The following AP4E1 variants were observed in gnomAD, a reference collection of about 807,000 sequenced individuals.
The protein encoded by AP4E1 is adaptor related protein complex 4 subunit epsilon 1, also known as AP-4 complex subunit epsilon-1.
A neutral mutation model predicts 128.2 loss-of-function variants in AP4E1; 56 were observed. The observed-to-expected ratio is 0.44, with a 90% confidence interval of 0.35 to 0.55. The LOEUF (loss-of-function observed/expected upper bound fraction) is 0.55. AP4E1 is among the 20% of genes least tolerant of loss of function. The probability of loss-of-function intolerance (pLI) is 0.00; values close to 1 mark genes in which losing one functional copy is unlikely to be tolerated. For synonymous variants in AP4E1, 484 were observed against 473.1 expected, an observed-to-expected ratio of 1.02 and a Z score of -0.30; for missense variants, 1,324 against 1,307.7, an observed-to-expected ratio of 1.01 and a Z score of -0.19.
intron 15 of AP4E1, among the ~76,000 whole-genome samples, chr15:50,976,836 A>G (rs1199021470): frequency 6.6e-6 from 1 of 152,228 alleles, no homozygotes; most frequent in African/African-American, 2.4e-5. Context: ...GTTGTGTTTA[A>G]TGAAAACCAC....
intron 15 of AP4E1, among the ~76,000 whole-genome samples, chr15:50,976,387 A>G (rs997434447): frequency 1.3e-5 from 2 of 152,234 alleles, no homozygotes; most frequent in Non-Finnish European, 2.9e-5. Context: ...ATCTCAATAT[A>G]ATAAAGACCA....
chr15:50,912,013 A>G, intron 1 of AP4E1, 65 bp from the exon 2 acceptor site: 2 of 1,216,552 alleles, frequency 1.6e-6, no homozygotes, highest in African/African-American at 1.5e-5. Context: ...TTTTCCGTTT[A>G]GATAAATGCT....
At chr15:50,997,282 A>T in intron 17 of AP4E1, 44 bp from the exon 18 acceptor site, 1 of 1,481,898 alleles carries the variant, frequency 6.7e-7, no homozygotes, top group East Asian at 2.4e-5. Context: ...ACTCATGACT[A>T]GTAGAATGAT....
At chr15:50,955,252 G>A (rs1391918810) in intron 13 of AP4E1, among the ~76,000 whole-genome samples, 1 of 152,192 alleles carries the variant, frequency 6.6e-6, no homozygotes, top group Non-Finnish European at 1.5e-5. Flanking sequence ...TTGAGGAATA[G>A]CCACACTGTC....
intron 15 of AP4E1, among the ~76,000 whole-genome samples, chr15:50,971,034 A>C (rs1162449182): frequency 6.6e-6 from 1 of 152,072 alleles, no homozygotes. Flanking sequence ...GTGTTTCAGC[A>C]CTACCAGTGA....
chr15:50,983,604 A>G (rs189789172), intron 15 of AP4E1, among the ~76,000 whole-genome samples: 8 of 152,324 alleles, frequency 5.3e-5, no homozygotes, highest in South Asian at 4.1e-4. Flanking sequence ...TGAGGACTCT[A>G]TCAATCCATT....
Position 50,997,383 on chromosome 15 carries a change from G to C in AP4E1, c.2404G>C (p.Ala802Pro). The C allele has an allele frequency of 6.2e-7, 1 of 1,606,086 alleles. No individual in the cohort carries two copies. Among genetic ancestry groups the C allele is most frequent in the Non-Finnish European group, 8.5e-7 (1 of 1,177,620 alleles). Residue 802 changes from alanine to proline, a missense_variant, in exon 18 of 21, where the codon GCT becomes CCT. By Grantham distance (27) the Ala-to-Pro change is conservative. Transcript: ENST00000261842. ...CAGAAGGAAATCAAAAGTCAAAGAA[G>C]CTAAAAGTGGCGAAACAACCAGTAC... Reference protein sequence around the residue: ...KFRRKSKVKEAKSGETTSTHN... With the variant: ...KFRRKSKVKEPKSGETTSTHN...
In AP4E1 at chr15:50,997,494, G is replaced by A; in HGVS notation, c.2515G>A (p.Gly839Arg). ...TTATTCGAATACTTTGCACGATACA[G>A]GAGACAAGGAATTAAAGAAATTTTC... Reference protein sequence around the residue: ...DYYSNTLHDTGDKELKKFSLT... With the variant: ...DYYSNTLHDTRDKELKKFSLT... The change falls in exon 18 of 21, where the codon GGA (glycine) becomes AGA (arginine). Residue 839 changes from glycine (G) to arginine (R), a missense_variant. Coordinates refer to ENST00000261842, the MANE Select transcript of AP4E1 (RefSeq NM_007347.5). The A allele has an allele frequency of 6.2e-7, 1 of 1,614,012 alleles. No individual in the cohort carries two copies. The highest frequency in any genetic ancestry group is 8.5e-7 in the Non-Finnish European group (1 of 1,179,960).
intron 13 of AP4E1, among the ~76,000 whole-genome samples, chr15:50,955,804 C>T (rs764714609): frequency 2.0e-5 from 3 of 152,214 alleles, no homozygotes; most frequent in Non-Finnish European, 2.9e-5. Context: ...TCAGTCTTCT[C>T]AGTTGCCACC....
intron 13 of AP4E1, among the ~76,000 whole-genome samples, chr15:50,952,467 G>A (rs1596479917): frequency 2.0e-5 from 3 of 146,948 alleles, no homozygotes; most frequent in African/African-American, 7.6e-5. Context: ...CCAAGATCAC[G>A]CCACTGCACT....
chr15:50,933,119 C>T (rs745686796), intron 7 of AP4E1, among the ~76,000 whole-genome samples: 1 of 152,068 alleles, frequency 6.6e-6, no homozygotes, highest in African/African-American at 2.4e-5. Flanking sequence ...TACATATATA[C>T]AAAGATGAGT....
chr15:50,916,698 A>T, intron 3 of AP4E1, among the ~76,000 whole-genome samples: 1 of 152,248 alleles, frequency 6.6e-6, no homozygotes. Flanking sequence ...CCCAAAACAC[A>T]CTTAGATCTT....
At position 50,978,209 on chromosome 15, in the gene AP4E1, G is replaced by A. The variant is rs9888654; in HGVS notation, c.1967-5813G>A. On this transcript the variant is annotated intron_variant, in intron 15 of 20. Coordinates refer to ENST00000261842, the MANE Select transcript of AP4E1 (RefSeq NM_007347.5). Reference sequence around the variant, plus strand: ...TTCTTACAAGTTCCCATCAAAAAAAGCATTTCAGAATCTGTGGATTATTCT... The same window carrying A: ...TTCTTACAAGTTCCCATCAAAAAAAACATTTCAGAATCTGTGGATTATTCT... 5.0e-3 allele frequency among the ~76,000 whole-genome samples: 762 copies of A among 152,110 alleles called. 11 individuals are homozygous for A. Among genetic ancestry groups the A allele is most frequent in the African/African-American group, 0.018 (737 of 41,464 alleles).
intron 14 of AP4E1, 124 bp downstream of exon 14, chr15:50,958,918 G>T: frequency 9.3e-7 from 1 of 1,076,678 alleles, no homozygotes; most frequent in Non-Finnish European, 1.4e-6. Flanking sequence ...GTGAATGTTG[G>T]AGTTCCTTTT....
rs1555458826 is a variant in AP4E1, at chr15:50,962,017, A to AAATAAATACAATAC, written c.1851+3227_1851+3228insAATACAATACAATA. 8.4e-4 allele frequency among the ~76,000 whole-genome samples: 126 copies of AAATAAATACAATAC among 150,850 alleles called. 1 individual carries two copies. The highest frequency in any genetic ancestry group is 1.5e-3 in the Non-Finnish European group (102 of 67,634). ...TACAACAGCTACAAAATAAATAAAT[A>AAATAAATACAATAC]AATACAATACAATACAATACAATAC... is the stretch of plus-strand genomic sequence containing the variant. On this transcript the variant is annotated intron_variant, in intron 14 of 20. Transcript: ENST00000261842.
At chr15:51,000,305 T>G (rs2064943943) in intron 19 of AP4E1, among the ~76,000 whole-genome samples, 1 of 152,064 alleles carries the variant, frequency 6.6e-6, no homozygotes, top group Non-Finnish European at 1.5e-5. Context: ...CCATGCCAGC[T>G]AATTTTTGTG....
intron 19 of AP4E1, among the ~76,000 whole-genome samples, 195 bp from the exon 20 acceptor site, chr15:51,000,831 A>G (rs2064952348): frequency 6.6e-6 from 1 of 152,184 alleles, no homozygotes; most frequent in African/African-American, 2.4e-5. Context: ...ATTTAATAAT[A>G]TACCTGCTTT....
At chr15:50,982,601 A>G (rs1245841831) in intron 15 of AP4E1, among the ~76,000 whole-genome samples, 2 of 152,202 alleles carry the variant, frequency 1.3e-5, no homozygotes, top group Admixed American at 6.5e-5. Flanking sequence ...TGAATTCTTC[A>G]CTTTACAGAT....
intron 8 of AP4E1, among the ~76,000 whole-genome samples, chr15:50,938,821 G>C (rs770173336): frequency 2.6e-5 from 4 of 152,068 alleles, no homozygotes; most frequent in Non-Finnish European, 5.9e-5. Context: ...CAATAACCAG[G>C]AGCCTCTCCA....
Sources: gnomAD v4.1 joint callset for allele counts (sites outside exome capture counted in the v4.1 genomes callset) on GRCh38, gnomAD v4.1.1 for gene constraint, MANE v1.5 for transcripts, NCBI Gene and HGNC (gene_info 2026-07-23, HGNC 2026-07-21) for gene names.